Variants in PCSK2 observed in about 807,000 individuals in gnomAD.
The protein encoded by PCSK2 is neuroendocrine convertase 2.
A neutral mutation model predicts 69.7 loss-of-function variants in PCSK2; 14 were observed. The observed-to-expected ratio is 0.20, with a 90% CI of 0.13 to 0.31. PCSK2 has a LOEUF of 0.31. PCSK2 is among the 10% of genes least tolerant of loss of function. The pLI is 1.00. For synonymous variants in PCSK2, 307 were observed against 320.7 expected, an observed-to-expected ratio of 0.96 and a Z score of 0.46; for missense variants, 544 against 842.5, an observed-to-expected ratio of 0.65 and a Z score of 4.39.
chr20:17,341,438 C>T (rs879361474), intron 2 of PCSK2, among the ~76,000 whole-genome samples: 5 of 152,160 alleles, frequency 3.3e-5, no homozygotes, highest in Non-Finnish European at 7.3e-5. Flanking sequence ...GTATCTACCT[C>T]CTTTCCATAA....
At chr20:17,356,798 C>A (rs760213853) in intron 2 of PCSK2, among the ~76,000 whole-genome samples, 2 of 152,150 alleles carry the variant, frequency 1.3e-5, no homozygotes, top group African/African-American at 2.4e-5. Context: ...GGTGAGGGAA[C>A]CTCCAGGATA....
chr20:17,248,083 T>A (rs899559432), intron 1 of PCSK2, among the ~76,000 whole-genome samples: 1 of 152,096 alleles, frequency 6.6e-6, no homozygotes, highest in African/African-American at 2.4e-5. Context: ...AGCTGACAAT[T>A]TGCTGCGAGT....
At chr20:17,260,079 T>C (rs561777791) in intron 1 of PCSK2, among the ~76,000 whole-genome samples, 161 bp from the exon 2 acceptor site, 1 of 152,154 alleles carries the variant, frequency 6.6e-6, no homozygotes, top group Admixed American at 6.5e-5. Context: ...AGGACATTGA[T>C]AGGGAAATAG....
At chr20:17,424,780 A>T (rs892328454) in intron 6 of PCSK2, among the ~76,000 whole-genome samples, 1 of 143,258 alleles carries the variant, frequency 7.0e-6, no homozygotes, top group Non-Finnish European at 1.5e-5. Flanking sequence ...CGTGAGCCAC[A>T]GCGCCCAGCC....
Position 17,404,755 on chromosome 20 carries a change from G to C in PCSK2, c.544-4508G>C, listed in dbSNP as rs2031716561. 2.0e-5 allele frequency among the ~76,000 whole-genome samples: 3 copies of C among 152,352 alleles called. No homozygotes were observed. The South Asian group carries it at 6.2e-4, about 32-fold the overall frequency. ...TGAGAAGCTATAGTGTGGGCTATCAGAGGGCAGCCTGGGAGCCCAAGAGGC... is the reference window on the plus strand; with the variant it reads ...TGAGAAGCTATAGTGTGGGCTATCACAGGGCAGCCTGGGAGCCCAAGAGGC... On this transcript the variant is annotated intron_variant, in intron 5 of 11. Coordinates refer to ENST00000262545, the MANE Select transcript of PCSK2 (RefSeq NM_002594.5).
chr20:17,337,070 T>C (rs1483063302), intron 2 of PCSK2, among the ~76,000 whole-genome samples: 1 of 133,926 alleles, frequency 7.5e-6, no homozygotes, highest in African/African-American at 2.6e-5. Flanking sequence ...TGTGGTTAAC[T>C]TCTCCGAAAG....
At chr20:17,239,280 G>A (rs970464275) in intron 1 of PCSK2, among the ~76,000 whole-genome samples, 4 of 152,202 alleles carry the variant, frequency 2.6e-5, no homozygotes, top group Non-Finnish European at 5.9e-5. Context: ...TCAAACCCAA[G>A]AAGGTAGTTG....
chr20:17,313,022 G>A (rs1454817203), intron 2 of PCSK2, among the ~76,000 whole-genome samples: 1 of 152,126 alleles, frequency 6.6e-6, no homozygotes. Flanking sequence ...GAAATATAAA[G>A]GAAGCCACAT....
At chr20:17,429,401 T>A in intron 6 of PCSK2, 34 bp from the exon 7 acceptor site, 1 of 1,540,138 alleles carries the variant, frequency 6.5e-7, no homozygotes, top group Non-Finnish European at 9.0e-7. Flanking sequence ...TTCGTTTCAC[T>A]GCATATCTAA....
chr20:17,255,655 T>C (rs1987150363), intron 1 of PCSK2, among the ~76,000 whole-genome samples: 1 of 152,204 alleles, frequency 6.6e-6, no homozygotes, highest in South Asian at 2.1e-4. Flanking sequence ...TTCCTAATTT[T>C]TTAAAACGTA....
At chr20:17,250,419 T>G (rs1006098208) in intron 1 of PCSK2, among the ~76,000 whole-genome samples, 2 of 152,204 alleles carry the variant, frequency 1.3e-5, no homozygotes, top group Non-Finnish European at 2.9e-5. Flanking sequence ...CCCTTCTTAG[T>G]GCATCATAGC....
In PCSK2 at chr20:17,442,715, A is replaced by G. The variant is rs140465651; in HGVS notation, c.885+5832A>G. Among the ~76,000 whole-genome samples the G allele has an allele frequency of 9.3e-4, 142 of 152,332 alleles. No homozygotes were observed. In the Middle Eastern group the frequency reaches 0.024, roughly 26 times the overall value. ...AGAGTGCTGTGCTGAAATGCTCCCA[A>G]TAACGTCACACTGGGAGCTTGAAAT... On this transcript the variant is annotated intron_variant, in intron 8 of 11. Transcript: ENST00000262545.
At chr20:17,374,660 G>T (rs1294827951) in intron 5 of PCSK2, among the ~76,000 whole-genome samples, 1 of 152,036 alleles carries the variant, frequency 6.6e-6, no homozygotes, top group Non-Finnish European at 1.5e-5. Context: ...AGGGAGAGTG[G>T]CCCAGAGAGC....
intron 1 of PCSK2, among the ~76,000 whole-genome samples, chr20:17,239,870 T>TTTTTTTG (rs1555780457): frequency 3.5e-5 from 5 of 142,980 alleles, no homozygotes; most frequent in African/African-American, 1.1e-4. Context: ...TTTTTTTTTT[T>TTTTTTTG]GTGAGATGAA....
chr20:17,352,098 T>C (rs1054019353), intron 2 of PCSK2, among the ~76,000 whole-genome samples: 30 of 152,082 alleles, frequency 2.0e-4, no homozygotes, highest in Non-Finnish European at 3.2e-4. Context: ...ATCCCACGTA[T>C]AATAGCTATA....
chr20:17,462,073 T>C (rs932936126), intron 10 of PCSK2, among the ~76,000 whole-genome samples: 3 of 152,126 alleles, frequency 2.0e-5, no homozygotes, highest in South Asian at 4.1e-4. Context: ...AAAACACAGA[T>C]ACCCTAAGCC....
At chr20:17,459,262 C>G (rs1166918007) in intron 10 of PCSK2, among the ~76,000 whole-genome samples, 2 of 152,184 alleles carry the variant, frequency 1.3e-5, no homozygotes, top group Non-Finnish European at 2.9e-5. Flanking sequence ...GAGATTCCTC[C>G]ATGTTCCTGT....
intron 8 of PCSK2, among the ~76,000 whole-genome samples, chr20:17,450,378 T>C (rs781078151): frequency 3.0e-4 from 46 of 152,148 alleles, no homozygotes; most frequent in Admixed American, 1.5e-3. Flanking sequence ...GGGCTGCCTG[T>C]AGGGTGGCTG....
At chr20:17,263,821 A>T (rs1296506803) in intron 2 of PCSK2, among the ~76,000 whole-genome samples, 1 of 152,214 alleles carries the variant, frequency 6.6e-6, no homozygotes, top group Non-Finnish European at 1.5e-5. Flanking sequence ...AAGCGGGACA[A>T]TGTGTCTGGA....
Sources: gnomAD v4.1 joint callset for allele counts (sites outside exome capture counted in the v4.1 genomes callset) on GRCh38, gnomAD v4.1.1 for gene constraint, MANE v1.5 for transcripts, NCBI Gene and HGNC (gene_info 2026-07-23, HGNC 2026-07-21) for gene names.